AGMO: variants seen among roughly 807,000 people sequenced by gnomAD.
AGMO encodes the protein alkylglycerol monooxygenase.
In AGMO, 75 loss-of-function variants were observed where a neutral mutation model predicts 60.2. The observed-to-expected ratio is 1.25, with a 90% CI of 1.03 to 1.51. The LOEUF is 1.51. Ranked by LOEUF, AGMO falls within the 40% of genes most tolerant of loss-of-function variation. The pLI is 0.00. For missense variants in AGMO, 763 were observed against 525.5 expected, an observed-to-expected ratio of 1.45 and a Z score of -4.42; for synonymous variants, 261 against 177.1, an observed-to-expected ratio of 1.47 and a Z score of -3.76.
At chr7:15,420,928 C>T (rs1321746101) in intron 4 of AGMO, among the ~76,000 whole-genome samples, 1 of 152,018 alleles carries the variant, frequency 6.6e-6, no homozygotes, top group Non-Finnish European at 1.5e-5. Context: ...CATAATAAGG[C>T]TATAATGGAG....
the AGMO span, among the ~76,000 whole-genome samples, chr7:15,120,165 T>C: frequency 6.6e-6 from 1 of 152,054 alleles, no homozygotes; most frequent in Non-Finnish European, 1.5e-5. Flanking sequence ...TTTTTTTAGA[T>C]CTTTCATTTA....
rs774931468 is a variant in AGMO at position 15,560,161 on chromosome 7, A to C, written c.237T>G (p.Gly79=). The C allele has an allele frequency of 3.1e-6, 5 of 1,612,460 alleles. No homozygotes were observed. Among genetic ancestry groups the C allele is most frequent in the Non-Finnish European group, 4.2e-6 (5 of 1,178,972 alleles). The change falls in exon 2 of 13, where the codon GGT becomes GGG. Residue 79 remains glycine, a synonymous_variant. Transcript: ENST00000342526. ...LDDALTSISA[G]VLSRLPSLFF... ...CTCACCTTGGAAGTCGAGACAGAAC[A>C]CCAGCTGAGATTGACGTTAAAGCAT...
At chr7:15,216,367 G>T (rs1781737566) in intron 12 of AGMO, among the ~76,000 whole-genome samples, 1 of 152,058 alleles carries the variant, frequency 6.6e-6, no homozygotes, top group Non-Finnish European at 1.5e-5. Context: ...TTTCTGCACT[G>T]CTATAATTTT....
At chr7:15,520,984 C>T (rs532451071) in intron 3 of AGMO, among the ~76,000 whole-genome samples, 16 of 151,992 alleles carry the variant, frequency 1.1e-4, no homozygotes, top group African/African-American at 2.7e-4. Context: ...AAGAATCAAA[C>T]AGACACAATA....
At chr7:15,233,312 A>C (rs1422681731) in intron 12 of AGMO, among the ~76,000 whole-genome samples, 1 of 152,200 alleles carries the variant, frequency 6.6e-6, no homozygotes, top group Non-Finnish European at 1.5e-5. Context: ...TAGTGTAAAC[A>C]CTTGGCTGGA....
intron 12 of AGMO, among the ~76,000 whole-genome samples, chr7:15,229,729 T>TATATATAACTAA (rs1782200919): frequency 1.5e-5 from 2 of 135,166 alleles, no homozygotes; most frequent in East Asian, 4.0e-4. Context: ...TATATATAAA[T>TATATATAACTAA]TATATATTAT....
rs559996203 is a variant in AGMO at position 15,225,561 on chromosome 7, A to G, written c.1264-24202T>C. 9.9e-4 allele frequency among the ~76,000 whole-genome samples: 150 copies of G among 152,098 alleles called. 1 individual carries two copies. The highest frequency in any genetic ancestry group is 1.8e-3 in the Non-Finnish European group (124 of 67,930). ...GTGTACATCTCATTACACCTACATCAATCTTGGTAATATCCTTTTTTAAAA... is the reference window on the plus strand; with the variant it reads ...GTGTACATCTCATTACACCTACATCGATCTTGGTAATATCCTTTTTTAAAA... On this transcript the variant is annotated intron_variant, in intron 12 of 12. Coordinates refer to ENST00000342526, the MANE Select transcript of AGMO (RefSeq NM_001004320.2).
At chr7:15,187,952 T>C in the AGMO span, among the ~76,000 whole-genome samples, 7 of 152,158 alleles carry the variant, frequency 4.6e-5, no homozygotes, top group African/African-American at 1.2e-4. Flanking sequence ...CATCTAGCTT[T>C]AAATCTTAAC....
chr7:15,188,559 G>C, the AGMO span, among the ~76,000 whole-genome samples: 1 of 152,174 alleles, frequency 6.6e-6, no homozygotes, highest in Non-Finnish European at 1.5e-5. Flanking sequence ...TCAAACTGTA[G>C]ATGTGGTTAG....
chr7:15,311,663 C>T (rs1290594618), intron 12 of AGMO, among the ~76,000 whole-genome samples: 7 of 151,906 alleles, frequency 4.6e-5, no homozygotes, highest in African/African-American at 7.3e-5. Flanking sequence ...CTTAATAAAC[C>T]GCTATATAAA....
the AGMO span, among the ~76,000 whole-genome samples, chr7:15,177,854 C>G: frequency 6.6e-6 from 1 of 152,034 alleles, no homozygotes; most frequent in Non-Finnish European, 1.5e-5. Context: ...AAGTAAAAAT[C>G]AATAAAGAGT....
intron 3 of AGMO, among the ~76,000 whole-genome samples, chr7:15,471,057 C>A (rs888293222): frequency 3.3e-5 from 5 of 151,868 alleles, no homozygotes; most frequent in African/African-American, 1.2e-4. Context: ...TATTGCAACT[C>A]CAGCACATTA....
chr7:15,215,971 A>G (rs1035074976), intron 12 of AGMO, among the ~76,000 whole-genome samples: 12 of 152,084 alleles, frequency 7.9e-5, no homozygotes, highest in Non-Finnish European at 1.6e-4. Flanking sequence ...TTTCACTGAA[A>G]TACCACTGGT....
chr7:15,293,059 G>A (rs952042472), intron 12 of AGMO, among the ~76,000 whole-genome samples: 3 of 151,892 alleles, frequency 2.0e-5, no homozygotes, highest in African/African-American at 7.3e-5. Flanking sequence ...CACTGCATCC[G>A]GCTCTTCCTC....
At chr7:15,396,606 C>A (rs954996507) in intron 5 of AGMO, 2 of 152,196 alleles carry the variant, frequency 1.3e-5, no homozygotes, top group Admixed American at 6.5e-5. Flanking sequence ...GCTTTTATTC[C>A]CTTATCCGGC....
chr7:15,503,228 G>T (rs1473763878), intron 3 of AGMO, among the ~76,000 whole-genome samples: 1 of 151,990 alleles, frequency 6.6e-6, no homozygotes, highest in Non-Finnish European at 1.5e-5. Context: ...AGAGATGATT[G>T]TTGAACAAAG....
chr7:15,244,326 T>C (rs1014776425), intron 12 of AGMO, among the ~76,000 whole-genome samples: 1 of 151,864 alleles, frequency 6.6e-6, no homozygotes, highest in Non-Finnish European at 1.5e-5. Context: ...TCATTGTTGA[T>C]TGTTTATGAA....
chr7:15,145,615 T>C, the AGMO span, among the ~76,000 whole-genome samples: 2 of 152,140 alleles, frequency 1.3e-5, no homozygotes, highest in Non-Finnish European at 2.9e-5. Flanking sequence ...ACCCTAGTGT[T>C]TTAAAGGAAA....
At position 15,327,641 on chromosome 7, in the gene AGMO, CTATA is replaced by C. The variant is rs564425376; in HGVS notation, c.1263+37869_1263+37872del. 3.2e-3 allele frequency among the ~76,000 whole-genome samples: 476 copies of C among 150,690 alleles called. 2 individuals carry two copies. Among genetic ancestry groups the C allele is most frequent in the African/African-American group, 0.011 (441 of 41,042 alleles). On this transcript the variant is annotated intron_variant, in intron 12 of 12. Coordinates refer to ENST00000342526, the MANE Select transcript of AGMO (RefSeq NM_001004320.2). ...GGGAACTATAAACGACAATGGGAGA[CTATA>C]TAGGAAGGTTATTTACGTTGAGGGT...
Sources: gnomAD v4.1 joint callset for allele counts (sites outside exome capture counted in the v4.1 genomes callset) on GRCh38, gnomAD v4.1.1 for gene constraint, MANE v1.5 for transcripts, NCBI Gene and HGNC (gene_info 2026-07-23, HGNC 2026-07-21) for gene names.